Variants in CD109 observed in about 807,000 individuals in gnomAD.
The protein encoded by CD109 is CD109 molecule.
A neutral mutation model predicts 165.8 loss-of-function variants in CD109; 149 were observed. That is an observed-to-expected ratio of 0.90 (90% CI 0.79 to 1.03). CD109 has a LOEUF of 1.03. Ranked by LOEUF, CD109 falls within the 50% of genes least tolerant of loss-of-function variation. CD109 has a pLI of 0.00. For missense variants in CD109, 1,712 were observed against 1,677.8 expected (o/e 1.02, Z -0.36); for synonymous variants, 585 against 592.1 (o/e 0.99, Z 0.18).
In CD109 at chr6:73,806,897, T is replaced by C. The variant is rs1175325956; in HGVS notation, c.3014T>C (p.Ile1005Thr). ...CFLEADPYID[I>T]DQNVLHRTYT... ...CTTGAAGCCGATCCTTACATAGATA[T>C]TGATCAGAATGTGTTACACAGAACA... The change falls in exon 25 of 33, where the codon ATT becomes ACT. Residue 1005 changes from isoleucine to threonine, a missense_variant. Ile to Thr is a moderately conservative substitution (Grantham distance 89, BLOSUM62 -1). Coordinates refer to ENST00000287097, the MANE Select transcript of CD109 (RefSeq NM_133493.5). The C allele has an allele frequency of 1.2e-6, 2 of 1,613,776 alleles. No individual in the cohort carries two copies. Among genetic ancestry groups the C allele is most frequent in the Non-Finnish European group, 1.7e-6 (2 of 1,179,940 alleles).
Position 73,820,464 on chromosome 6 carries a change from A to G in CD109, c.4063A>G (p.Asn1355Asp). ...GKLNLYLDSV[N>D]ETQFCVNIPA... ...AGACTCTTTTGTATTTCTCAAGGTA[A>G]ATGAAACCCAGTTTTGTGTTAATAT... is the stretch of plus-strand genomic sequence containing the variant. The change falls in exon 32 of 33, where the codon AAT (asparagine) becomes GAT (aspartate). Residue 1355 changes from asparagine to aspartate, a missense_variant. Coordinates refer to ENST00000287097, the MANE Select transcript of CD109 (RefSeq NM_133493.5). The G allele has an allele frequency of 6.3e-7, 1 of 1,596,224 alleles. No homozygotes were observed. The highest frequency in any genetic ancestry group is 8.6e-7 in the Non-Finnish European group (1 of 1,165,660).
At chr6:73,814,879 TG>T in intron 29 of CD109, 101 bp from the exon 30 acceptor site, 1 of 684,994 alleles carries the variant, frequency 1.5e-6, no homozygotes, top group Non-Finnish European at 2.1e-6. Flanking sequence ...AAAATCTTAC[TG>T]GGTCCATCCA....
intron 23 of CD109, among the ~76,000 whole-genome samples, chr6:73,797,792 A>C (rs1775217399): frequency 6.6e-6 from 1 of 152,204 alleles, no homozygotes; most frequent in South Asian, 2.1e-4. Flanking sequence ...TTCATAACCC[A>C]GAACAGGATG....
At chr6:73,752,432 T>C (rs761564900) in intron 5 of CD109, among the ~76,000 whole-genome samples, 1 of 152,230 alleles carries the variant, frequency 6.6e-6, no homozygotes, top group Admixed American at 6.5e-5. Flanking sequence ...GTGTTTTCTC[T>C]TTCCCACTTC....
intron 31 of CD109, among the ~76,000 whole-genome samples, chr6:73,819,653 T>A (rs1776045157): frequency 2.0e-5 from 3 of 152,260 alleles, no homozygotes; most frequent in African/African-American, 7.2e-5. Flanking sequence ...CTGTTAAAAC[T>A]AATTCAGTCT....
chr6:73,822,515 G>C (rs899589443), intron 32 of CD109, among the ~76,000 whole-genome samples: 1 of 152,184 alleles, frequency 6.6e-6, no homozygotes, highest in African/African-American at 2.4e-5. Context: ...GGAAACACTG[G>C]TGTGGCACTT....
At chr6:73,754,571 T>A (rs1479542210) in intron 5 of CD109, among the ~76,000 whole-genome samples, 4 of 152,198 alleles carry the variant, frequency 2.6e-5, no homozygotes, top group South Asian at 2.1e-4. Context: ...AAAACTTAGT[T>A]TCAGGCTGTT....
chr6:73,701,434 C>T (rs1395362912), intron 2 of CD109, among the ~76,000 whole-genome samples: 1 of 152,176 alleles, frequency 6.6e-6, no homozygotes. Flanking sequence ...AAAATCAAGT[C>T]AGATTACTGT....
chr6:73,820,530 G>A lies in CD109; in HGVS notation c.4129G>A (p.Ala1377Thr), dbSNP rs1776072785. ...RNFKVSNTQD[A>T]SVSIVDYYEP... ...CTTTAAAGTTTCAAATACCCAAGAT[G>A]CTTCAGTGTCCATAGTGGATTACTA... Residue 1377 changes from alanine to threonine, a missense_variant, in exon 32 of 33, where the codon GCT becomes ACT. Physicochemically the swap from Ala to Thr is moderately conservative, Grantham distance 58. Coordinates refer to ENST00000287097, the MANE Select transcript of CD109 (RefSeq NM_133493.5). 6.2e-7 allele frequency: 1 copy of A among 1,610,778 alleles called. No homozygotes were observed. The highest frequency in any genetic ancestry group is 1.3e-5 in the African/African-American group (1 of 74,824).
chr6:73,715,278 A>T (rs909613789), intron 2 of CD109, among the ~76,000 whole-genome samples: 3 of 151,768 alleles, frequency 2.0e-5, no homozygotes, highest in South Asian at 2.1e-4. Context: ...ACAAAAAACC[A>T]GTGATGAGGC....
chr6:73,762,613 G>A, intron 8 of CD109, 128 bp from the exon 9 acceptor site: 1 of 971,514 alleles, frequency 1.0e-6, no homozygotes, highest in Non-Finnish European at 1.5e-6. Context: ...GAACAAATGA[G>A]AATTTATGCA....
chr6:73,749,655 A>G (rs1773115170), intron 5 of CD109, among the ~76,000 whole-genome samples: 1 of 152,226 alleles, frequency 6.6e-6, no homozygotes, highest in African/African-American at 2.4e-5. Context: ...GACAAAGGAA[A>G]CAAAATGTGT....
intron 5 of CD109, among the ~76,000 whole-genome samples, chr6:73,751,848 T>G (rs1396138262): frequency 1.3e-5 from 2 of 152,236 alleles, no homozygotes; most frequent in Non-Finnish European, 2.9e-5. Flanking sequence ...ATTTTTATCT[T>G]GACCTTTCCA....
chr6:73,753,080 A>G (rs537714222), intron 5 of CD109, among the ~76,000 whole-genome samples: 1 of 148,534 alleles, frequency 6.7e-6, no homozygotes, highest in East Asian at 2.0e-4. Context: ...AGAAAAACCA[A>G]ATGTAGCCTG....
chr6:73,745,579 G>A (rs1296113381), intron 5 of CD109, among the ~76,000 whole-genome samples: 2 of 152,198 alleles, frequency 1.3e-5, no homozygotes, highest in African/African-American at 4.8e-5. Flanking sequence ...TCTGACCACA[G>A]CAGCCATGTG....
At chr6:73,769,199 G>A (rs1287229595) in intron 14 of CD109, among the ~76,000 whole-genome samples, 1 of 151,982 alleles carries the variant, frequency 6.6e-6, no homozygotes, top group East Asian at 1.9e-4. Context: ...CTGTACTTTA[G>A]TTTTGTTGAG....
chr6:73,788,701 A>C (rs1774795919), intron 22 of CD109, 89 bp downstream of exon 22: 5 of 1,203,582 alleles, frequency 4.2e-6, no homozygotes, highest in African/African-American at 1.8e-5. Flanking sequence ...TTTCTTATTG[A>C]GTCCTAATAA....
chr6:73,748,027 G>A (rs1773045659), intron 5 of CD109, among the ~76,000 whole-genome samples: 1 of 151,748 alleles, frequency 6.6e-6, no homozygotes, highest in Non-Finnish European at 1.5e-5. Flanking sequence ...GTGCCACCAT[G>A]CCCGGCTAAT....
At chr6:73,811,682 A>G (rs1775764810) in intron 28 of CD109, among the ~76,000 whole-genome samples, 1 of 152,176 alleles carries the variant, frequency 6.6e-6, no homozygotes, top group African/African-American at 2.4e-5. Flanking sequence ...TTTAACTGGA[A>G]TAAAAGAATA....
Sources: gnomAD v4.1 joint callset for allele counts (sites outside exome capture counted in the v4.1 genomes callset) on GRCh38, gnomAD v4.1.1 for gene constraint, MANE v1.5 for transcripts, NCBI Gene and HGNC (gene_info 2026-07-23, HGNC 2026-07-21) for gene names.